CDC42BPG: variants seen among roughly 807,000 people sequenced by gnomAD.
CDC42BPG encodes CDC42 binding protein kinase gamma, also known as serine/threonine-protein kinase MRCK gamma.
A neutral mutation model predicts 192.2 loss-of-function variants in CDC42BPG; 157 were observed. The observed-to-expected ratio is 0.82, with a 90% CI of 0.72 to 0.93. CDC42BPG has a LOEUF of 0.93. Ranked by LOEUF, CDC42BPG falls within the 40% of genes least tolerant of loss-of-function variation. CDC42BPG has a pLI of 0.00. For missense variants in CDC42BPG, 1,992 were observed against 2,122.1 expected (o/e 0.94, Z 1.20); for synonymous variants, 981 against 918.5 (o/e 1.07, Z -1.23).
At chr11:64,827,910 G>A (rs1376657966) in intron 30 of CDC42BPG, 127 bp from the exon 31 acceptor site, 3 of 705,880 alleles carry the variant, frequency 4.3e-6, no homozygotes, top group Middle Eastern at 2.6e-4. Flanking sequence ...ACTCCCTGTC[G>A]CCCGGCCCAG....
intron 8 of CDC42BPG, 44 bp downstream of exon 8, chr11:64,838,610 G>A (rs368269047): frequency 1.2e-6 from 2 of 1,601,726 alleles, no homozygotes; most frequent in African/African-American, 1.3e-5. Flanking sequence ...CAGCCAACAA[G>A]GGGGTAGGGC....
intron 1 of CDC42BPG, among the ~76,000 whole-genome samples, chr11:64,843,725 T>C (rs1339740622): frequency 1.3e-5 from 2 of 152,090 alleles, no homozygotes; most frequent in Admixed American, 6.5e-5. Context: ...CCAGGAAAGG[T>C]ACAGACCCAT....
At position 64,834,499 on chromosome 11, in the gene CDC42BPG, C is replaced by T. The variant is rs745640611; in HGVS notation, c.2254G>A (p.Glu752Lys). 5 of 1,575,160 alleles carry T rather than the reference C, an allele frequency of 3.2e-6. No individual in the cohort carries two copies. Among genetic ancestry groups the T allele is most frequent in the Middle Eastern group, 1.7e-4 (1 of 5,858 alleles). ...RLELQSALEA[E>K]IRAKQGLQER... ...TGCAGGCCCTGCTTGGCGCGGATCTCGGCCTCCAGCGCTGACTGCAGCTCC... is the reference window on the plus strand; with the variant it reads ...TGCAGGCCCTGCTTGGCGCGGATCTTGGCCTCCAGCGCTGACTGCAGCTCC... The change falls in exon 19 of 37, where the codon GAG (glutamate) becomes AAG (lysine). Residue 752 changes from glutamate (E) to lysine (K), a missense_variant. Physicochemically the swap from Glu to Lys is moderately conservative, Grantham distance 56. Coordinates refer to ENST00000342711, the MANE Select transcript of CDC42BPG (RefSeq NM_017525.3).
chr11:64,827,807 G>A (rs755342838), intron 30 of CDC42BPG, 24 bp from the exon 31 acceptor site: 1 of 1,573,338 alleles, frequency 6.4e-7, no homozygotes, highest in South Asian at 1.2e-5. Flanking sequence ...AGGCACCTCT[G>A]AGCTGTTTCC....
At position 64,827,566 on chromosome 11, in the gene CDC42BPG, C is replaced by A; in HGVS notation, c.4111G>T (p.Glu1371Ter). 6.2e-7 allele frequency: 1 copy of A among 1,612,682 alleles called. No individual in the cohort carries two copies. The change falls in exon 32 of 37, where the codon GAG (glutamate) becomes TAG (stop). Residue 1371 changes from glutamate (E) to a stop codon, truncating the protein, a stop_gained. Coordinates refer to ENST00000342711, the MANE Select transcript of CDC42BPG (RefSeq NM_017525.3). LOFTEE classifies it high-confidence loss of function. ...PEGSLFLYGT[E>*]KVRLTYLRNQ... ...CTGAGGTAGGTCAGGCGGACCTTCT[C>A]GGTGCCGTAGAGGAACAGGGAGCCC...
chr11:64,832,280 G>A (rs1942730414), intron 27 of CDC42BPG, 148 bp downstream of exon 27: 1 of 845,884 alleles, frequency 1.2e-6, no homozygotes, highest in African/African-American at 1.7e-5. Context: ...CCTAAACGAG[G>A]TGAGACCGGG....
At chr11:64,833,405 A>G (rs2136298658) in intron 23 of CDC42BPG, 69 bp from the exon 24 acceptor site, 1 of 1,022,062 alleles carries the variant, frequency 9.8e-7, no homozygotes, top group Middle Eastern at 3.0e-4. Context: ...GGGGTCAGGA[A>G]AGACAAGGGG....
chr11:64,841,561 G>GC lies in CDC42BPG; in HGVS notation c.336+88dup, dbSNP rs959289118. ...CTTTGCCTGGTCTGCAGCCTTGCCC[G>GC]CCCCCCCCGCGCCATAGGCCCTGGC... On this transcript the variant is annotated intron_variant, in intron 3 of 36. Transcript: ENST00000342711. 863 of 935,668 alleles carry GC rather than the reference G, an allele frequency of 9.2e-4. 7 individuals carry two copies. In the African/African-American group the frequency reaches 0.013, roughly 14 times the overall value. 58.0% of individuals were successfully genotyped at this position (935,668 alleles called of 1,614,324 possible).
chr11:64,826,214 G>A (rs1023665667), intron 36 of CDC42BPG, among the ~76,000 whole-genome samples: 1 of 152,210 alleles, frequency 6.6e-6, no homozygotes, highest in Admixed American at 6.5e-5. Flanking sequence ...ACAAGATCAG[G>A]GAGGTTGGGC....
Position 64,835,134 on chromosome 11 carries a change from T to A in CDC42BPG, c.1973A>T (p.Gln658Leu). 14 of 1,601,386 alleles carry A rather than the reference T, an allele frequency of 8.7e-6. No individual in the cohort carries two copies. Among genetic ancestry groups the A allele is most frequent in the Non-Finnish European group, 1.1e-5 (13 of 1,179,672 alleles). The change falls in exon 17 of 37, where the codon CAG (glutamine) becomes CTG (leucine). Residue 658 changes from glutamine to leucine, a missense_variant. This residue lies in a region of CDC42BPG where 1,656 missense variants were observed against 1,844.3 expected (regional missense o/e 0.90). Coordinates refer to ENST00000342711, the MANE Select transcript of CDC42BPG (RefSeq NM_017525.3). Reference protein sequence around the residue: ...EQERLEAELAQEQESKQRLEG... With the variant: ...EQERLEAELALEQESKQRLEG... ...CAGCCGCTGCTTGCTCTCCTGCTCC[T>A]GGGCCAGCTCTGCTTCTAGCTGGGG...
chr11:64,841,235 C>T (rs944341121), intron 3 of CDC42BPG, among the ~76,000 whole-genome samples: 2 of 151,648 alleles, frequency 1.3e-5, no homozygotes, highest in African/African-American at 4.8e-5. Flanking sequence ...GAAGGATCAT[C>T]TGAGGTCAGG....
Position 64,839,762 on chromosome 11 carries a change from T to C in CDC42BPG, c.582-191A>G, listed in dbSNP as rs185302735. Among the ~76,000 whole-genome samples the C allele has an allele frequency of 1.4e-3, 217 of 152,200 alleles. 2 individuals are homozygous for C. Among genetic ancestry groups the C allele is most frequent in the African/African-American group, 4.9e-3 (205 of 41,520 alleles). On this transcript the variant is annotated intron_variant, in intron 5 of 36. Transcript: ENST00000342711. ...CACAGGCCAGAAGGAGGAAGATGGC[T>C]AGATTGTAGAAAGGATGTGTGGGGA...
rs1274428375 is a variant in CDC42BPG, at chr11:64,844,477, C to T, written c.93G>A (p.Ala31=). 58 of 1,445,066 alleles carry T rather than the reference C, an allele frequency of 4.0e-5. No individual in the cohort carries two copies. The highest frequency in any genetic ancestry group is 4.8e-5 in the Non-Finnish European group (53 of 1,103,068). 89.5% of individuals were successfully genotyped at this position (1,445,066 alleles called of 1,614,324 possible). Residue 31 remains alanine, a synonymous_variant, in exon 1 of 37, where the codon GCG becomes GCA. Transcript: ENST00000342711. ...GLDGLLDLLL[A]LHHELSSGPL... The stretch of plus-strand genomic sequence containing the variant: ...GGCCGCTGCTGAGCTCGTGGTGCAG[C>T]GCCAGCAGCAGATCTAGGAGGCCGT...
chr11:64,840,191 C>G lies in CDC42BPG; in HGVS notation c.510G>C (p.Glu170Asp), dbSNP rs115427619. ...LSRFEDRLPPELAQFYLAEMV... is the reference protein window; with the variant it reads ...LSRFEDRLPPDLAQFYLAEMV... ...TCTCAGCCAGGTAGAACTGGGCCAG[C>G]TCGGGCGGGAGACGGTCCTCGAAGC... The change falls in exon 5 of 37, where the codon GAG becomes GAC. Residue 170 changes from glutamate (E) to aspartate (D), a missense_variant. This residue lies in a region of CDC42BPG where 1,656 missense variants were observed against 1,844.3 expected (regional missense o/e 0.90). Coordinates refer to ENST00000342711, the MANE Select transcript of CDC42BPG (RefSeq NM_017525.3). 2.7e-4 allele frequency: 434 copies of G among 1,613,240 alleles called. No homozygotes were observed. In the African/African-American group the frequency reaches 5.4e-3, roughly 20 times the overall value.
chr11:64,824,307 C>T lies in CDC42BPG; in HGVS notation c.*166G>A. The T allele has an allele frequency of 1.4e-6, 1 of 704,772 alleles. No individual in the cohort carries two copies. 43.7% of individuals were successfully genotyped at this position (704,772 alleles called of 1,614,324 possible). On this transcript the variant is annotated 3_prime_UTR_variant, in exon 37 of 37. Coordinates refer to ENST00000342711, the MANE Select transcript of CDC42BPG (RefSeq NM_017525.3). ...AGGATGAGGGCTGGGAGTCAGGACC[C>T]CCAAGTCCTGGGAACCCAGGCAAGT...
At chr11:64,824,643 C>T (rs1455382864) in intron 36 of CDC42BPG, 114 bp from the exon 37 acceptor site, 3 of 677,398 alleles carry the variant, frequency 4.4e-6, no homozygotes, top group Non-Finnish European at 7.8e-6. Flanking sequence ...TATCAGGGCC[C>T]CTGGAGGAAG....
intron 4 of CDC42BPG, 86 bp from the exon 5 acceptor site, chr11:64,840,354 G>T: frequency 6.5e-7 from 1 of 1,533,716 alleles, no homozygotes; most frequent in East Asian, 2.3e-5. Context: ...GGGAAGGCAG[G>T]CCTGCATCTC....
At chr11:64,843,718 G>A (rs1037027624) in intron 1 of CDC42BPG, among the ~76,000 whole-genome samples, 2 of 152,230 alleles carry the variant, frequency 1.3e-5, no homozygotes, top group Non-Finnish European at 2.9e-5. Flanking sequence ...GAGTCTACCA[G>A]GAAAGGTACA....
At position 64,823,126 on chromosome 11, in the gene CDC42BPG, A is replaced by G. The variant is rs537079295; in HGVS notation, c.*1347T>C. 3.1e-4 allele frequency among the ~76,000 whole-genome samples: 45 copies of G among 142,956 alleles called. No homozygotes were observed. Among genetic ancestry groups the G allele is most frequent in the Middle Eastern group, 3.8e-3 (1 of 266 alleles). 93.8% of individuals were successfully genotyped at this position (142,956 alleles called of 152,430 possible). A position where few individuals can be genotyped will look rare whatever the true frequency, so the allele number is the denominator to read the frequency against. On this transcript the variant is annotated 3_prime_UTR_variant, in exon 37 of 37. Transcript: ENST00000342711. ...TTTTGAGACGGAGTCTCACTCTGTC[A>G]CCCAGGCTGGAGTGCAGTGGCGCGA... is the stretch of plus-strand genomic sequence containing the variant.
Sources: allele counts gnomAD v4.1 joint callset (sites outside exome capture counted in the v4.1 genomes callset), GRCh38; gene constraint gnomAD v4.1.1; regional missense constraint gnomAD v4.1.1; transcripts MANE v1.5; gene names NCBI Gene and HGNC (gene_info 2026-07-23, HGNC 2026-07-21).